DNAH5: variants seen among roughly 807,000 people sequenced by gnomAD.
DNAH5 encodes the protein dynein axonemal heavy chain 5, also known as axonemal beta dynein heavy chain 5.
A neutral mutation model predicts 518.2 loss-of-function variants in DNAH5; 372 were observed. The ratio of observed to expected loss-of-function variants is 0.72; its 90% CI spans 0.66 to 0.78. The LOEUF is 0.78. Ranked by LOEUF, DNAH5 falls within the 30% of genes least tolerant of loss-of-function variation. DNAH5 has a pLI of 0.00. For synonymous variants in DNAH5, 2,039 were observed against 2,025.9 expected (o/e 1.01, Z -0.17); for missense variants, 5,523 against 5,687.0 (o/e 0.97, Z 0.93).
At chr5:14,011,054 CGT>C (rs1211357857) in intron 1 of DNAH5, among the ~76,000 whole-genome samples, 28 of 152,002 alleles carry the variant, frequency 1.8e-4, no homozygotes, top group East Asian at 1.2e-3. Flanking sequence ...AAATGTATAG[CGT>C]GTGTTTCCAG....
At chr5:13,943,649 A>C (rs1779663776) in intron 1 of DNAH5, among the ~76,000 whole-genome samples, 1 of 152,170 alleles carries the variant, frequency 6.6e-6, no homozygotes, top group East Asian at 1.9e-4. Context: ...TGGCATACTT[A>C]AAAAATTCAG....
At position 13,780,866 on chromosome 5, in the gene DNAH5, T is replaced by C. The variant is rs1239522043; in HGVS notation, c.8914A>G (p.Ile2972Val). The C allele has an allele frequency of 6.2e-7, 1 of 1,613,774 alleles. No homozygotes were observed. Among genetic ancestry groups the C allele is most frequent in the East Asian group, 2.2e-5 (1 of 44,850 alleles). The change falls in exon 53 of 79, where the codon ATT becomes GTT. Residue 2972 changes from isoleucine to valine, a missense_variant. By Grantham distance (29) the Ile-to-Val change is conservative. Coordinates refer to ENST00000265104, the MANE Select transcript of DNAH5 (RefSeq NM_001369.3). ...KQSLTRLASFIAGYVSFQITL... is the reference protein window; with the variant it reads ...KQSLTRLASFVAGYVSFQITL... Reference sequence around the variant, plus strand: ...ATCTGGAAGGAAACGTAGCCAGCAATGAATGAAGCCAACCTCGTCAGGCTC... The same window carrying C: ...ATCTGGAAGGAAACGTAGCCAGCAACGAATGAAGCCAACCTCGTCAGGCTC...
At chr5:13,898,649 A>G (rs1774202402) in intron 15 of DNAH5, 1 of 398,616 alleles carries the variant, frequency 2.5e-6, no homozygotes, top group Non-Finnish European at 4.4e-6. Flanking sequence ...ATAAAATAAT[A>G]GTATTCTGTC....
At chr5:13,935,524 T>C (rs552883174) in intron 1 of DNAH5, among the ~76,000 whole-genome samples, 5 of 152,334 alleles carry the variant, frequency 3.3e-5, no homozygotes, top group African/African-American at 1.2e-4. Context: ...AACTGATTGT[T>C]CTATTGCCTG....
chr5:13,869,149 C>T (rs1769713768), intron 24 of DNAH5, among the ~76,000 whole-genome samples: 1 of 152,086 alleles, frequency 6.6e-6, no homozygotes, highest in Non-Finnish European at 1.5e-5. Context: ...TGGCCCAACA[C>T]AGCAGAAGTG....
chr5:13,931,606 T>C (rs1284931533), intron 1 of DNAH5, among the ~76,000 whole-genome samples: 1 of 152,240 alleles, frequency 6.6e-6, no homozygotes, highest in Non-Finnish European at 1.5e-5. Context: ...GTAAACATTT[T>C]CCTAAGCCAT....
chr5:13,900,111 A>C, intron 15 of DNAH5, 95 bp downstream of exon 15: 2 of 1,172,910 alleles, frequency 1.7e-6, no homozygotes, highest in Non-Finnish European at 2.5e-6. Flanking sequence ...CATCCTGGCC[A>C]CTTTCTGCTC....
At chr5:13,844,298 C>G (rs546174288) in intron 32 of DNAH5, among the ~76,000 whole-genome samples, 34 of 152,320 alleles carry the variant, frequency 2.2e-4, no homozygotes, top group Non-Finnish European at 4.0e-4. Flanking sequence ...AGAAGAGTCA[C>G]TTTCCTAGGG....
At chr5:13,993,746 G>A (rs751644088) in intron 1 of DNAH5, among the ~76,000 whole-genome samples, 7 of 152,140 alleles carry the variant, frequency 4.6e-5, no homozygotes, top group Non-Finnish European at 8.8e-5. Context: ...ATGTACAGAC[G>A]TGCCCCACGC....
chr5:13,886,419 C>T (rs1772444198), intron 17 of DNAH5, among the ~76,000 whole-genome samples: 1 of 152,234 alleles, frequency 6.6e-6, no homozygotes, highest in Admixed American at 6.5e-5. Flanking sequence ...CTCTACTCGT[C>T]ACATTTCCTT....
chr5:13,871,869 A>T, intron 22 of DNAH5, 104 bp from the exon 23 acceptor site: 1 of 1,022,748 alleles, frequency 9.8e-7, no homozygotes, highest in East Asian at 2.6e-5. Context: ...GATTTATTAA[A>T]ATGTTTAGTG....
chr5:13,779,566 C>T (rs139581812), intron 53 of DNAH5, among the ~76,000 whole-genome samples: 68 of 152,326 alleles, frequency 4.5e-4, no homozygotes, highest in African/African-American at 1.5e-3. Flanking sequence ...AAACTGGTCT[C>T]CTGGTTCTAA....
chr5:13,719,110 A>C lies in DNAH5; in HGVS notation c.12280-9T>G. 6.2e-7 allele frequency: 1 copy of C among 1,609,270 alleles called. No individual in the cohort carries two copies. On this transcript the variant is annotated splice_polypyrimidine_tract_variant and intron_variant, in intron 71 of 78. Coordinates refer to ENST00000265104, the MANE Select transcript of DNAH5 (RefSeq NM_001369.3). Reference sequence around the variant, plus strand: ...AGAAGTGCCCATCCTCCCTGTCAATAGCAGTAAACGGAAATTAGGTAGTTT... The same window carrying C: ...AGAAGTGCCCATCCTCCCTGTCAATCGCAGTAAACGGAAATTAGGTAGTTT...
Position 13,907,456 on chromosome 5 carries a change from G to GGGGAGAGAA in DNAH5, c.1644+3921_1644+3929dup, listed in dbSNP as rs572853798. 6.3e-4 allele frequency among the ~76,000 whole-genome samples: 96 copies of GGGGAGAGAA among 152,164 alleles called. 1 individual carries two copies. The South Asian group carries it at 0.017, about 27-fold the overall frequency. Reference sequence around the variant, plus strand: ...CGCCACCCCCCAAAAAAAGAACCTGGGGGAGAGAAGGGGGAATATGGTAAT... The same window carrying GGGGAGAGAA: ...CGCCACCCCCCAAAAAAAGAACCTGGGGGAGAGAAGGGAGAGAAGGGGGAATATGGTAAT... On this transcript the variant is annotated intron_variant, in intron 12 of 78. Transcript: ENST00000265104.
rs1168326589 is a variant in DNAH5, at chr5:13,944,498, C to T, written c.-60G>A. 6 of 1,442,560 alleles carry T rather than the reference C, an allele frequency of 4.2e-6. No homozygotes were observed. Among genetic ancestry groups the T allele is most frequent in the Non-Finnish European group, 5.8e-6 (6 of 1,031,108 alleles). 89.4% of individuals were successfully genotyped at this position (1,442,560 alleles called of 1,614,324 possible). On this transcript the variant is annotated 5_prime_UTR_variant, in exon 1 of 79. Coordinates refer to ENST00000265104, the MANE Select transcript of DNAH5 (RefSeq NM_001369.3). ...TCCGGAATGGTCTTCTAACTCCTGG[C>T]AGACCTGCTCAACATCCAACAGGCT...
chr5:13,927,653 G>T (rs2078233023), intron 3 of DNAH5, among the ~76,000 whole-genome samples: 1 of 152,102 alleles, frequency 6.6e-6, no homozygotes, highest in Non-Finnish European at 1.5e-5. Context: ...AACTAAAAAG[G>T]GGTGTTACAC....
chr5:13,960,761 C>A (rs1008042825), intron 1 of DNAH5, among the ~76,000 whole-genome samples: 2 of 152,244 alleles, frequency 1.3e-5, no homozygotes, highest in Non-Finnish European at 2.9e-5. Context: ...CCCACACCCA[C>A]CCTCTCCCCG....
intron 5 of DNAH5, among the ~76,000 whole-genome samples, chr5:13,921,410 T>C (rs1227510763): frequency 6.8e-5 from 10 of 146,060 alleles, no homozygotes; most frequent in Non-Finnish European, 1.2e-4. Flanking sequence ...TATTACCTTA[T>C]CTTCTCTCTC....
rs1776419912 is a variant in DNAH5 at position 13,914,607 on chromosome 5, A to G, written c.1233T>C (p.Tyr411=). The G allele has an allele frequency of 1.2e-6, 2 of 1,613,306 alleles. No individual in the cohort carries two copies. Among genetic ancestry groups the G allele is most frequent in the Non-Finnish European group, 1.7e-6 (2 of 1,179,328 alleles). The change falls in exon 10 of 79, where the codon TAT becomes TAC. Residue 411 remains tyrosine, a synonymous_variant. Coordinates refer to ENST00000265104, the MANE Select transcript of DNAH5 (RefSeq NM_001369.3). ...TNQIISACKA[Y]ITNNGTASIW... ...TGGAAGCGGTTCCATTATTGGTAATATAGGCTTTACATGCAGATATAATCT... is the reference window on the plus strand; with the variant it reads ...TGGAAGCGGTTCCATTATTGGTAATGTAGGCTTTACATGCAGATATAATCT...
Sources: gnomAD v4.1 joint callset for allele counts (sites outside exome capture counted in the v4.1 genomes callset) on GRCh38, gnomAD v4.1.1 for gene constraint, MANE v1.5 for transcripts, NCBI Gene and HGNC (gene_info 2026-07-23, HGNC 2026-07-21) for gene names.